SLC39A9: variants seen among roughly 807,000 people sequenced by gnomAD.
The protein encoded by SLC39A9 is zinc transporter ZIP9.
SLC39A9 carries 14 observed loss-of-function variants against 28.4 expected under a neutral mutation model. The observed-to-expected ratio is 0.49, with a 90% confidence interval of 0.33 to 0.77. The LOEUF is 0.77. SLC39A9 is among the 30% of genes least tolerant of loss of function. The pLI is 0.02. For missense variants in SLC39A9, 283 were observed against 381.1 expected (o/e 0.74, Z 2.14); for synonymous variants, 119 against 149.6 (o/e 0.80, Z 1.49).
Position 69,442,039 on chromosome 14 carries a change from A to G in SLC39A9, c.206-30A>G, listed in dbSNP as rs753935626. 10 of 1,596,254 alleles carry G rather than the reference A, an allele frequency of 6.3e-6. No homozygotes were observed. In the South Asian group the frequency reaches 1.1e-4, roughly 18 times the overall value. On this transcript the variant is annotated intron_variant, in intron 2 of 6. Transcript: ENST00000336643. ...GAAAATGTTTTTAGGGGAAAAACAT[A>G]TTTTCTCTTTATGGTTTATTCTGCT...
chr14:69,400,200 A>G (rs974631859), intron 1 of SLC39A9, among the ~76,000 whole-genome samples: 13 of 152,270 alleles, frequency 8.5e-5, no homozygotes, highest in African/African-American at 2.9e-4. Flanking sequence ...ACTAGAATGA[A>G]TGTAAGAAAA....
intron 1 of SLC39A9, among the ~76,000 whole-genome samples, chr14:69,418,174 A>C (rs1260904223): frequency 1.1e-4 from 17 of 152,138 alleles, no homozygotes; most frequent in Admixed American, 1.1e-3. Context: ...TTTAGCATGA[A>C]GAGCTGTTGA....
At position 69,458,397 on chromosome 14, in the gene SLC39A9, C is replaced by T; in HGVS notation, c.728C>T (p.Thr243Met). 1.2e-6 allele frequency: 2 copies of T among 1,614,212 alleles called. No homozygotes were observed. The highest frequency in any genetic ancestry group is 1.7e-6 in the Non-Finnish European group (2 of 1,180,020). Residue 243 changes from threonine (T) to methionine (M), a missense_variant, in exon 7 of 7, where the codon ACG (threonine) becomes ATG (methionine). By Grantham distance (81) the Thr-to-Met change is moderately conservative. Transcript: ENST00000336643. ...SKEALSEVNA[T>M]GVAMLFSAGT... ...GAAGCCCTTTCAGAGGTGAACGCCA[C>T]GGGAGTGGCCATGCTTTTCTCTGCC...
Position 69,460,362 on chromosome 14 carries a change from G to A in SLC39A9, c.*1769G>A. 2 of 985,450 alleles carry A rather than the reference G, an allele frequency of 2.0e-6. No individual in the cohort carries two copies. Among genetic ancestry groups the A allele is most frequent in the Non-Finnish European group, 2.4e-6 (2 of 829,938 alleles). 61.0% of individuals were successfully genotyped at this position (985,450 alleles called of 1,614,324 possible). On this transcript the variant is annotated 3_prime_UTR_variant, in exon 7 of 7. Transcript: ENST00000336643. ...TAGGATACAGTTGTATGTAGTCATT[G>A]GCAACAATTGCATACAATTTTACTA...
intron 3 of SLC39A9, among the ~76,000 whole-genome samples, chr14:69,448,088 G>A (rs917700303): frequency 1.5e-4 from 22 of 151,288 alleles, no homozygotes; most frequent in African/African-American, 3.2e-4. Flanking sequence ...GTTGGCGGGC[G>A]TCTGTAGTCC....
chr14:69,398,509 G>T, upstream of SLC39A9: 1 of 564,626 alleles, frequency 1.8e-6, no homozygotes, highest in South Asian at 2.0e-5. Context: ...GCTGTCTTCC[G>T]TACTTTCGTT....
Position 69,460,713 on chromosome 14 carries a change from C to T in SLC39A9, c.*2120C>T, listed in dbSNP as rs1399420235. On this transcript the variant is annotated 3_prime_UTR_variant, in exon 7 of 7. Coordinates refer to ENST00000336643, the MANE Select transcript of SLC39A9 (RefSeq NM_018375.5). Reference sequence around the variant, plus strand: ...CCTTGAACTCCGGCAAGGATTGAACCATCTGACTTCCAAATTTGCCTTCCC... The same window carrying T: ...CCTTGAACTCCGGCAAGGATTGAACTATCTGACTTCCAAATTTGCCTTCCC... 5.1e-6 allele frequency: 5 copies of T among 985,450 alleles called. No homozygotes were observed. Among genetic ancestry groups the T allele is most frequent in the Non-Finnish European group, 6.0e-6 (5 of 829,952 alleles). The allele number at this position is 985,450 out of a possible 1,614,324, so 61.0% of individuals were successfully genotyped here.
intron 2 of SLC39A9, among the ~76,000 whole-genome samples, chr14:69,427,669 G>A (rs762058482): frequency 6.6e-6 from 1 of 152,180 alleles, no homozygotes; most frequent in Non-Finnish European, 1.5e-5. Flanking sequence ...TGTCATAAAT[G>A]GAATCATGTA....
At position 69,458,403 on chromosome 14, in the gene SLC39A9, T is replaced by C. The variant is rs748153033; in HGVS notation, c.734T>C (p.Val245Ala). The C allele has an allele frequency of 6.2e-7, 1 of 1,614,118 alleles. No homozygotes were observed. The highest frequency in any genetic ancestry group is 8.5e-7 in the Non-Finnish European group (1 of 1,180,012). The change falls in exon 7 of 7, where the codon GTG becomes GCG. Residue 245 changes from valine to alanine, a missense_variant. Coordinates refer to ENST00000336643, the MANE Select transcript of SLC39A9 (RefSeq NM_018375.5). ...EALSEVNATG[V>A]AMLFSAGTFL... is the part of the protein sequence containing the mutation. ...CTTTCAGAGGTGAACGCCACGGGAG[T>C]GGCCATGCTTTTCTCTGCCGGGACA...
rs569978429 is a variant in SLC39A9 at position 69,407,590 on chromosome 14, A to C, written c.96+8125A>C. ...GTGGTCTGCCCGCCTAGGCCTCCCA[A>C]AGTGCTGGGATTACAGGCGTGAGCC... On this transcript the variant is annotated intron_variant, in intron 1 of 6. Coordinates refer to ENST00000336643, the MANE Select transcript of SLC39A9 (RefSeq NM_018375.5). 4.6e-5 allele frequency among the ~76,000 whole-genome samples: 7 copies of C among 151,690 alleles called. No individual in the cohort carries two copies. The South Asian group carries it at 1.0e-3, about 23-fold the overall frequency.
rs188277740 is a variant in SLC39A9 at position 69,440,850 on chromosome 14, T to A, written c.206-1219T>A. Among the ~76,000 whole-genome samples, 124 of 152,282 alleles carry A rather than the reference T, an allele frequency of 8.1e-4. 1 individual carries two copies. The highest frequency in any genetic ancestry group is 2.8e-3 in the African/African-American group (117 of 41,558). ...CACCGTGCCCAGCTAGTTTTTGTAT[T>A]TTTAGTAGAGACGGGGATTCACCAT... On this transcript the variant is annotated intron_variant, in intron 2 of 6. Coordinates refer to ENST00000336643, the MANE Select transcript of SLC39A9 (RefSeq NM_018375.5).
At position 69,460,380 on chromosome 14, in the gene SLC39A9, T is replaced by G; in HGVS notation, c.*1787T>G. 1 of 985,432 alleles carries G rather than the reference T, an allele frequency of 1.0e-6. No homozygotes were observed. Among genetic ancestry groups the G allele is most frequent in the Non-Finnish European group, 1.2e-6 (1 of 829,928 alleles). 61.0% of individuals were successfully genotyped at this position (985,432 alleles called of 1,614,324 possible). ...AGTCATTGGCAACAATTGCATACAA[T>G]TTTACTACCAAGAGAAGGTATAGTA... On this transcript the variant is annotated 3_prime_UTR_variant, in exon 7 of 7. Transcript: ENST00000336643.
chr14:69,449,749 A>T (rs1885514417), intron 3 of SLC39A9, among the ~76,000 whole-genome samples: 1 of 152,206 alleles, frequency 6.6e-6, no homozygotes, highest in African/African-American at 2.4e-5. Context: ...TTGTGAGTTC[A>T]AGAACAGAGA....
At chr14:69,409,939 G>A (rs1056398121) in intron 1 of SLC39A9, among the ~76,000 whole-genome samples, 5 of 152,100 alleles carry the variant, frequency 3.3e-5, no homozygotes, top group Admixed American at 2.0e-4. Context: ...TTTTAAAACT[G>A]TACCAATTTC....
At chr14:69,427,271 T>C (rs981421396) in intron 2 of SLC39A9, among the ~76,000 whole-genome samples, 1 of 152,152 alleles carries the variant, frequency 6.6e-6, no homozygotes, top group Non-Finnish European at 1.5e-5. Context: ...TCCAAAGTGC[T>C]GGGATTACAG....
At chr14:69,421,901 C>A (rs1158220883) in intron 1 of SLC39A9, among the ~76,000 whole-genome samples, 1 of 152,198 alleles carries the variant, frequency 6.6e-6, no homozygotes, top group Non-Finnish European at 1.5e-5. Flanking sequence ...TTTCCAGGTA[C>A]AGTCTGTCAT....
At chr14:69,435,952 C>T (rs1034625307) in intron 2 of SLC39A9, among the ~76,000 whole-genome samples, 8 of 151,912 alleles carry the variant, frequency 5.3e-5, no homozygotes, top group Admixed American at 2.6e-4. Flanking sequence ...GGATTATAGG[C>T]GTGAGCCACT....
chr14:69,415,554 C>G (rs1883522491), intron 1 of SLC39A9, among the ~76,000 whole-genome samples: 1 of 152,114 alleles, frequency 6.6e-6, no homozygotes. Context: ...GTTCTGCCTC[C>G]CAAGCCAGTA....
chr14:69,404,834 G>A (rs1040394598), intron 1 of SLC39A9, among the ~76,000 whole-genome samples: 15 of 151,596 alleles, frequency 9.9e-5, no homozygotes, highest in Admixed American at 3.3e-4. Context: ...TTGTTCTTTC[G>A]TGTTTTAAAG....
Sources: allele counts gnomAD v4.1 joint callset (sites outside exome capture counted in the v4.1 genomes callset), GRCh38; gene constraint gnomAD v4.1.1; transcripts MANE v1.5; gene names NCBI Gene and HGNC (gene_info 2026-07-23, HGNC 2026-07-21).